SEMA3D: variants seen among roughly 807,000 people sequenced by gnomAD.
SEMA3D encodes semaphorin-3D.
A neutral mutation model predicts 100.1 loss-of-function variants in SEMA3D; 84 were observed. That is an observed-to-expected ratio of 0.84 (90% CI 0.70 to 1.01). The LOEUF (loss-of-function observed/expected upper bound fraction) is 1.01, where lower values mean the gene tolerates loss of function less well. Ranked by LOEUF, SEMA3D falls within the 50% of genes least tolerant of loss-of-function variation. The probability of loss-of-function intolerance (pLI) is 0.00; values close to 1 mark genes in which losing one functional copy is unlikely to be tolerated. For missense variants in SEMA3D, 875 were observed against 934.1 expected, an observed-to-expected ratio of 0.94 and a Z score of 0.82; for synonymous variants, 312 against 320.7, an observed-to-expected ratio of 0.97 and a Z score of 0.29.
At chr7:85,207,392 A>G in the SEMA3D span, among the ~76,000 whole-genome samples, 4 of 152,088 alleles carry the variant, frequency 2.6e-5, no homozygotes, top group African/African-American at 9.7e-5. Flanking sequence ...TTAGATAATA[A>G]ATACTTAATA....
chr7:85,101,250 A>G (rs1025253748), intron 3 of SEMA3D, among the ~76,000 whole-genome samples: 2 of 152,048 alleles, frequency 1.3e-5, no homozygotes, highest in African/African-American at 4.8e-5. Flanking sequence ...AAAATCAAAA[A>G]TATGTAAAAG....
rs1332934212 is a variant in SEMA3D at position 85,022,722 on chromosome 7, G to A, written c.1192-109C>T. On this transcript the variant is annotated intron_variant, in intron 12 of 18. Transcript: ENST00000284136. ...TTATCATCAATAATATTAAATGAAT[G>A]GACAACAGAGTCAATATGGAATCAT... is the stretch of plus-strand genomic sequence containing the variant. 9 of 705,028 alleles carry A rather than the reference G, an allele frequency of 1.3e-5. No individual in the cohort carries two copies. In the South Asian group the frequency reaches 1.5e-4, roughly 12 times the overall value. The allele number at this position is 705,028 out of a possible 1,614,324, so 43.7% of individuals were successfully genotyped here. A position where few individuals can be genotyped will look rare whatever the true frequency, so the allele number is the denominator to read the frequency against.
chr7:85,040,772 C>T (rs1554335627), intron 10 of SEMA3D, 30 bp from the exon 11 acceptor site: 17 of 1,031,460 alleles, frequency 1.6e-5, no homozygotes, highest in Non-Finnish European at 2.6e-5. Context: ...AATATTTACT[C>T]TTATTTTTCA....
the SEMA3D span, among the ~76,000 whole-genome samples, chr7:85,241,081 A>C: frequency 6.6e-6 from 1 of 152,044 alleles, no homozygotes; most frequent in Non-Finnish European, 1.5e-5. Flanking sequence ...AACATCACTA[A>C]TTATCAGGGA....
intron 5 of SEMA3D, among the ~76,000 whole-genome samples, chr7:85,078,178 G>A (rs1787938688): frequency 1.3e-5 from 2 of 152,108 alleles, no homozygotes; most frequent in South Asian, 4.1e-4. Context: ...TCATGGGGGA[G>A]AGGTATTTAT....
upstream of SEMA3D, among the ~76,000 whole-genome samples, chr7:85,189,879 A>G (rs537841503): frequency 2.0e-4 from 30 of 152,294 alleles, no homozygotes; most frequent in African/African-American, 6.0e-4. Flanking sequence ...TTCTCAAAGG[A>G]TCACATTTAA....
the SEMA3D span, among the ~76,000 whole-genome samples, chr7:85,238,389 T>TA: frequency 8.1e-4 from 123 of 152,300 alleles, no homozygotes; most frequent in African/African-American, 2.7e-3. Flanking sequence ...ATGAAGGGTG[T>TA]AAAATCTGCA....
chr7:85,005,118 A>G (rs1056387523), intron 18 of SEMA3D, among the ~76,000 whole-genome samples: 2 of 151,960 alleles, frequency 1.3e-5, no homozygotes, highest in African/African-American at 4.8e-5. Flanking sequence ...AAAGCCATTT[A>G]TTAAAGAATT....
At chr7:85,201,634 G>A in the SEMA3D span, among the ~76,000 whole-genome samples, 1 of 152,144 alleles carries the variant, frequency 6.6e-6, no homozygotes, top group Non-Finnish European at 1.5e-5. Context: ...AGTTTTTAGA[G>A]GCTGTGAGGA....
intron 2 of SEMA3D, chr7:85,144,756 AAAT>A (rs1790154416): frequency 1.4e-6 from 1 of 695,864 alleles, no homozygotes; most frequent in Non-Finnish European, 1.8e-6. Context: ...GGTGTAAAGC[AAAT>A]AATAATATTT....
intron 9 of SEMA3D, among the ~76,000 whole-genome samples, chr7:85,047,482 C>T (rs1791042333): frequency 1.3e-5 from 2 of 151,884 alleles, no homozygotes; most frequent in Admixed American, 6.6e-5. Context: ...CTCTGTTAAA[C>T]GTGATTTTAT....
At chr7:85,034,121 T>A (rs1298666816) in intron 12 of SEMA3D, among the ~76,000 whole-genome samples, 1 of 152,102 alleles carries the variant, frequency 6.6e-6, no homozygotes, top group Non-Finnish European at 1.5e-5. Flanking sequence ...ATTCCTCATC[T>A]GTATAATGGA....
the SEMA3D span, among the ~76,000 whole-genome samples, chr7:85,200,822 C>G: frequency 6.6e-6 from 1 of 152,194 alleles, no homozygotes; most frequent in Non-Finnish European, 1.5e-5. Context: ...GGCCCAGTGT[C>G]TCCATGCTGT....
chr7:85,068,488 A>G (rs2116162641), intron 6 of SEMA3D, among the ~76,000 whole-genome samples: 1 of 152,216 alleles, frequency 6.6e-6, no homozygotes, highest in South Asian at 2.1e-4. Context: ...CCTTGGCCCA[A>G]AGTGGCAATA....
chr7:85,148,779 T>C (rs1194196317), intron 2 of SEMA3D, among the ~76,000 whole-genome samples: 1 of 152,032 alleles, frequency 6.6e-6, no homozygotes, highest in African/African-American at 2.4e-5. Flanking sequence ...TCTCTAATTA[T>C]ATATGTGCGG....
chr7:84,999,305 G>T lies in SEMA3D; in HGVS notation c.*135C>A. ...CCCTTTCTTATATTCATCACATATT[G>T]TCTTATTCAGATTATTGTCTTGTGC... On this transcript the variant is annotated 3_prime_UTR_variant, in exon 19 of 19. Coordinates refer to ENST00000284136, the MANE Select transcript of SEMA3D (RefSeq NM_001384900.1). The T allele has an allele frequency of 2.8e-6, 2 of 718,356 alleles. No homozygotes were observed. The highest frequency in any genetic ancestry group is 4.5e-6 in the Non-Finnish European group (2 of 442,714). 44.5% of individuals were successfully genotyped at this position (718,356 alleles called of 1,614,324 possible).
At chr7:85,225,841 G>A in the SEMA3D span, among the ~76,000 whole-genome samples, 1 of 151,908 alleles carries the variant, frequency 6.6e-6, no homozygotes, top group Non-Finnish European at 1.5e-5. Context: ...GGGGGACAAG[G>A]GAATCTTTCC....
intron 2 of SEMA3D, 28 bp downstream of exon 2, chr7:85,153,580 T>C (rs1054974758): frequency 3.3e-5 from 5 of 150,222 alleles, no homozygotes; most frequent in African/African-American, 1.2e-4. Flanking sequence ...TATCTATCTA[T>C]TGAGGTTTAT....
chr7:85,094,775 G>T (rs1036797952), intron 4 of SEMA3D, among the ~76,000 whole-genome samples: 1 of 152,026 alleles, frequency 6.6e-6, no homozygotes, highest in African/African-American at 2.4e-5. Context: ...CAGAGAAGGA[G>T]TCCACGAGTA....
Sources: allele counts gnomAD v4.1 joint callset (sites outside exome capture counted in the v4.1 genomes callset), GRCh38; gene constraint gnomAD v4.1.1; transcripts MANE v1.5; gene names NCBI Gene and HGNC (gene_info 2026-07-23, HGNC 2026-07-21).